Variants in MARCHF4 observed in about 807,000 individuals in gnomAD.
The protein encoded by MARCHF4 is E3 ubiquitin-protein ligase MARCHF4.
MARCHF4 carries 14 observed loss-of-function variants against 43.9 expected under a neutral mutation model. The ratio of observed to expected loss-of-function variants is 0.32; its 90% CI spans 0.21 to 0.50. MARCHF4 has a LOEUF of 0.50. MARCHF4 is among the 20% of genes least tolerant of loss of function. The probability of loss-of-function intolerance (pLI) is 0.98; values close to 1 mark genes in which losing one functional copy is unlikely to be tolerated. For synonymous variants in MARCHF4, 226 were observed against 213.3 expected, an observed-to-expected ratio of 1.06 and a Z score of -0.52; for missense variants, 468 against 536.7, an observed-to-expected ratio of 0.87 and a Z score of 1.27.
intron 1 of MARCHF4, chr2:216,351,483 T>A (rs1024635086): frequency 2.0e-5 from 3 of 152,358 alleles, no homozygotes; most frequent in Non-Finnish European, 4.4e-5. Flanking sequence ...CCACCCCCAC[T>A]CCTTCACTTG....
At chr2:216,336,742 T>TAAAAAAAAAAAAAA (rs58031229) in intron 1 of MARCHF4, among the ~76,000 whole-genome samples, 7 of 55,668 alleles carry the variant, frequency 1.3e-4, no homozygotes, top group Admixed American at 2.8e-4. Context: ...CAAATAGATT[T>TAAAAAAAAAAAAAA]AAAAAAAAAA....
At chr2:216,341,959 G>T (rs1372395115) in intron 1 of MARCHF4, among the ~76,000 whole-genome samples, 1 of 152,190 alleles carries the variant, frequency 6.6e-6, no homozygotes, top group African/African-American at 2.4e-5. Flanking sequence ...AGATGAGAAG[G>T]TTGGAGATGA....
At chr2:216,283,067 G>C (rs1259172047) in intron 2 of MARCHF4, among the ~76,000 whole-genome samples, 1 of 152,116 alleles carries the variant, frequency 6.6e-6, no homozygotes, top group East Asian at 1.9e-4. Flanking sequence ...TGTATGAGAA[G>C]GGCCATTGAG....
At chr2:216,368,834 A>G (rs1220601233) in intron 1 of MARCHF4, among the ~76,000 whole-genome samples, 1 of 152,236 alleles carries the variant, frequency 6.6e-6, no homozygotes, top group East Asian at 1.9e-4. Context: ...TAGTTCCTGA[A>G]GAATGTACAC....
chr2:216,284,723 C>T (rs1299903094), intron 1 of MARCHF4, among the ~76,000 whole-genome samples: 2 of 152,170 alleles, frequency 1.3e-5, no homozygotes, highest in African/African-American at 4.8e-5. Flanking sequence ...TAATCATGCA[C>T]TTGGCTGCAG....
intron 1 of MARCHF4, among the ~76,000 whole-genome samples, chr2:216,304,695 T>C (rs894106914): frequency 6.6e-6 from 1 of 152,174 alleles, no homozygotes; most frequent in Non-Finnish European, 1.5e-5. Flanking sequence ...CCTAGGGCAA[T>C]GTAGAAAACA....
intron 1 of MARCHF4, among the ~76,000 whole-genome samples, chr2:216,359,316 C>T (rs1692544107): frequency 6.6e-6 from 1 of 152,230 alleles, no homozygotes; most frequent in Non-Finnish European, 1.5e-5. Flanking sequence ...CATTTTTCTA[C>T]AAAGAAGAGA....
In MARCHF4 at chr2:216,371,838, C is replaced by G. The variant is rs1428166375; in HGVS notation, c.-1578G>C. 2.0e-5 allele frequency: 3 copies of G among 152,346 alleles called. No individual in the cohort carries two copies. Among genetic ancestry groups the G allele is most frequent in the African/African-American group, 7.2e-5 (3 of 41,460 alleles). The allele number at this position is 152,346 out of a possible 1,614,324, so 9.4% of individuals were successfully genotyped here. A position where few individuals can be genotyped will look rare whatever the true frequency, so the allele number is the denominator to read the frequency against. On this transcript the variant is annotated 5_prime_UTR_variant, in exon 1 of 4. Transcript: ENST00000273067. ...CGGGTCTGCTCGGCAGCTCTGCCCC[C>G]GCTACCCCCACCAAGGGCGGCCTCG...
chr2:216,302,914 A>AG (rs1339689394), intron 1 of MARCHF4, among the ~76,000 whole-genome samples: 17 of 149,544 alleles, frequency 1.1e-4, no homozygotes, highest in South Asian at 6.4e-4. Context: ...AAAAAAAAAA[A>AG]AAAAAAAAAG....
At chr2:216,279,827 T>C (rs1457365579) in intron 2 of MARCHF4, among the ~76,000 whole-genome samples, 1 of 152,196 alleles carries the variant, frequency 6.6e-6, no homozygotes, top group South Asian at 2.1e-4. Context: ...AGAAGATGAC[T>C]TCATCATACA....
intron 1 of MARCHF4, among the ~76,000 whole-genome samples, chr2:216,295,126 G>A (rs142197818): frequency 3.9e-5 from 6 of 152,352 alleles, no homozygotes; most frequent in Non-Finnish European, 7.4e-5. Context: ...CCTGCAGACC[G>A]AGGCTGGCTG....
intron 3 of MARCHF4, among the ~76,000 whole-genome samples, chr2:216,268,552 A>C (rs1307823558): frequency 6.6e-6 from 1 of 152,170 alleles, no homozygotes; most frequent in Non-Finnish European, 1.5e-5. Flanking sequence ...GCCTCCTTCC[A>C]CTTCTGCCAT....
intron 2 of MARCHF4, among the ~76,000 whole-genome samples, chr2:216,278,400 A>G (rs1691065608): frequency 1.3e-5 from 2 of 151,806 alleles, no homozygotes; most frequent in Non-Finnish European, 2.9e-5. Context: ...ATTTTTTTGT[A>G]TTTTTTAGTA....
chr2:216,311,818 T>C (rs934438066), intron 1 of MARCHF4, among the ~76,000 whole-genome samples: 5 of 152,186 alleles, frequency 3.3e-5, no homozygotes, highest in Non-Finnish European at 7.3e-5. Context: ...CCATAGTGTA[T>C]GAAGCACTTG....
rs550130551 is a variant in MARCHF4, at chr2:216,337,907, A to G, written c.516+31838T>C. On this transcript the variant is annotated intron_variant, in intron 1 of 3. Coordinates refer to ENST00000273067, the MANE Select transcript of MARCHF4 (RefSeq NM_020814.3). Reference sequence around the variant, plus strand: ...CAAAGGACACCAAAAGGAGGAAGACACTCCTAGAAGTTCAGACTCTAGTGG... The same window carrying G: ...CAAAGGACACCAAAAGGAGGAAGACGCTCCTAGAAGTTCAGACTCTAGTGG... Among the ~76,000 whole-genome samples the G allele has an allele frequency of 3.9e-5, 6 of 152,290 alleles. No homozygotes were observed. The East Asian group carries it at 9.7e-4, about 24-fold the overall frequency.
At chr2:216,274,752 C>T (rs745792456) in intron 3 of MARCHF4, among the ~76,000 whole-genome samples, 1 of 152,184 alleles carries the variant, frequency 6.6e-6, no homozygotes, top group African/African-American at 2.4e-5. Flanking sequence ...TGAACTGAGA[C>T]TTCTACTCTG....
intron 1 of MARCHF4, among the ~76,000 whole-genome samples, chr2:216,342,518 G>A (rs1244014140): frequency 6.6e-6 from 1 of 152,178 alleles, no homozygotes; most frequent in Non-Finnish European, 1.5e-5. Context: ...GGACTGGCAA[G>A]GTTGCTAGGG....
chr2:216,260,303 C>T (rs1165302179), intron 3 of MARCHF4, among the ~76,000 whole-genome samples: 1 of 152,244 alleles, frequency 6.6e-6, no homozygotes, highest in Non-Finnish European at 1.5e-5. Context: ...GCAGGACACC[C>T]TCTGAGAGCT....
intron 1 of MARCHF4, among the ~76,000 whole-genome samples, chr2:216,353,349 A>C (rs948929916): frequency 2.6e-5 from 4 of 152,238 alleles, no homozygotes; most frequent in Non-Finnish European, 5.9e-5. Context: ...CCTTTACTGC[A>C]ATATATTAAT....
Sources: gnomAD v4.1 joint callset for allele counts (sites outside exome capture counted in the v4.1 genomes callset) on GRCh38, gnomAD v4.1.1 for gene constraint, MANE v1.5 for transcripts, NCBI Gene and HGNC (gene_info 2026-07-23, HGNC 2026-07-21) for gene names.